The following P3H2 variants were observed in gnomAD, a reference collection of about 807,000 sequenced individuals.
P3H2 encodes the protein leprecan-like 1.
A neutral mutation model predicts 87.0 loss-of-function variants in P3H2; 80 were observed. The observed-to-expected ratio is 0.92, with a 90% confidence interval of 0.77 to 1.11. The LOEUF is 1.11. P3H2 is among the 50% of genes least tolerant of loss of function. The pLI, the probability that P3H2 is intolerant of heterozygous loss-of-function variation, is 0.00. For synonymous variants in P3H2, 367 were observed against 359.3 expected, an observed-to-expected ratio of 1.02 and a Z score of -0.24; for missense variants, 1,001 against 923.9, an observed-to-expected ratio of 1.08 and a Z score of -1.08.
intron 1 of P3H2, among the ~76,000 whole-genome samples, chr3:190,051,344 A>T (rs893956637): frequency 1.0e-5 from 1 of 96,252 alleles, no homozygotes; most frequent in Non-Finnish European, 2.0e-5. Context: ...AAAAAATGAC[A>T]TAGAATTTTA....
At chr3:190,014,102 G>T (rs1464413079) in intron 1 of P3H2, among the ~76,000 whole-genome samples, 1 of 152,162 alleles carries the variant, frequency 6.6e-6, no homozygotes, top group Admixed American at 6.5e-5. Flanking sequence ...AGGAATTAGG[G>T]AATGATTCAT....
At chr3:190,118,137 G>C (rs189732134) in intron 1 of P3H2, among the ~76,000 whole-genome samples, 1 of 152,124 alleles carries the variant, frequency 6.6e-6, no homozygotes, top group Non-Finnish European at 1.5e-5. Context: ...CCAGGGAACC[G>C]GAGGGGAAAT....
At chr3:190,048,421 C>A (rs1259302577) in intron 1 of P3H2, among the ~76,000 whole-genome samples, 1 of 151,592 alleles carries the variant, frequency 6.6e-6, no homozygotes. Context: ...CGCTTGAACC[C>A]GGGAGGTGGA....
intron 1 of P3H2, among the ~76,000 whole-genome samples, chr3:190,032,842 G>A (rs1370357059): frequency 6.6e-6 from 1 of 152,128 alleles, no homozygotes; most frequent in East Asian, 1.9e-4. Context: ...TGGGGATTGT[G>A]AGGAGGTAGG....
intron 1 of P3H2, among the ~76,000 whole-genome samples, chr3:190,085,930 A>T (rs2373719): frequency 0.13 from 20,010 of 152,132 alleles, 3,713 homozygotes; most frequent in African/African-American, 0.41. Flanking sequence ...ACAGTAACAC[A>T]TTTCACTGGA....
At chr3:190,025,676 G>A (rs1725066949) in intron 1 of P3H2, among the ~76,000 whole-genome samples, 2 of 152,150 alleles carry the variant, frequency 1.3e-5, no homozygotes, top group African/African-American at 4.8e-5. Context: ...CCCCAAAATA[G>A]ATAAAAGTCA....
At chr3:189,978,959 ACT>A (rs1405742722) in intron 8 of P3H2, among the ~76,000 whole-genome samples, 1 of 152,016 alleles carries the variant, frequency 6.6e-6, no homozygotes, top group Non-Finnish European at 1.5e-5. Flanking sequence ...CCTGGCTCTG[ACT>A]CTCTGGTTGC....
At position 189,994,185 on chromosome 3, in the gene P3H2, A is replaced by T. The variant is rs1723968225; in HGVS notation, c.732T>A (p.Asp244Glu). 1 of 1,613,804 alleles carries T rather than the reference A, an allele frequency of 6.2e-7. No homozygotes were observed. Among genetic ancestry groups the T allele is most frequent in the African/African-American group, 1.3e-5 (1 of 75,044 alleles). Residue 244 changes from aspartate (D) to glutamate (E), a missense_variant, in exon 3 of 15, where the codon GAT (aspartate) becomes GAA (glutamate). Physicochemically the swap from Asp to Glu is conservative, Grantham distance 45. Transcript: ENST00000319332. ...EQALREYFVE[D>E]TECRTLCEGP... is the part of the protein sequence containing the mutation. ...CCTCACATAGGGTCCGGCATTCTGT[A>T]TCTTCAACGAAATATTCTCTTAAGG...
intron 1 of P3H2, among the ~76,000 whole-genome samples, chr3:190,088,836 T>C (rs1727313420): frequency 6.6e-6 from 1 of 152,212 alleles, no homozygotes; most frequent in African/African-American, 2.4e-5. Flanking sequence ...AAACAGTTCC[T>C]GCAATACCTG....
chr3:189,969,534 T>A, intron 13 of P3H2: 1 of 1,227,498 alleles, frequency 8.1e-7, no homozygotes, highest in Non-Finnish European at 1.2e-6. Context: ...AACTGATCAA[T>A]AATGACAATA....
In P3H2 at chr3:189,971,981, T is replaced by G; in HGVS notation, c.1726A>C (p.Ser576Arg). 3 of 1,612,626 alleles carry G rather than the reference T, an allele frequency of 1.9e-6. No homozygotes were observed. The highest frequency in any genetic ancestry group is 2.5e-6 in the Non-Finnish European group (3 of 1,178,626). Residue 576 changes from serine (S) to arginine (R), a missense_variant, in exon 12 of 15, where the codon AGT becomes CGT. Transcript: ENST00000319332. ...CAGTTGTCAGCATGGATGGGATGAC[T>G]GAGGTCATTTCTTCTATCCTGCTGA... is the stretch of plus-strand genomic sequence containing the variant. ...SGQQDRRNDL[S>R]HPIHADNCLL...
At chr3:189,971,578 G>A in intron 12 of P3H2, 2 of 368,918 alleles carry the variant, frequency 5.4e-6, no homozygotes, top group South Asian at 4.5e-5. Context: ...TATTCTGACT[G>A]AAATACATAT....
chr3:190,030,253 T>C (rs746129701), intron 1 of P3H2, among the ~76,000 whole-genome samples: 40 of 152,130 alleles, frequency 2.6e-4, no homozygotes, highest in Non-Finnish European at 5.4e-4. Context: ...TTCACTGAGA[T>C]ATGAAAAATT....
At position 189,957,726 on chromosome 3, in the gene P3H2, A is replaced by AGAGAGAC; in HGVS notation, c.*185_*186insGTCTCTC. On this transcript the variant is annotated 3_prime_UTR_variant, in exon 15 of 15. Transcript: ENST00000319332. ...AGAGAGAGAGAGAGAGAGAGAGAGA[A>AGAGAGAC]AACAACCCAAAACAAGAAAGATAGA... The AGAGAGAC allele has an allele frequency of 1.9e-6, 1 of 528,388 alleles. No homozygotes were observed. Among genetic ancestry groups the AGAGAGAC allele is most frequent in the Non-Finnish European group, 3.4e-6 (1 of 296,002 alleles). The allele number at this position is 528,388 out of a possible 1,614,324, so 32.7% of individuals were successfully genotyped here.
At chr3:189,966,168 AAAG>A (rs1722998383) in intron 13 of P3H2, among the ~76,000 whole-genome samples, 1 of 149,196 alleles carries the variant, frequency 6.7e-6, no homozygotes, top group Admixed American at 6.7e-5. Context: ...AGAAAGAAAG[AAAG>A]AAAGAAAGAA....
At chr3:190,116,962 A>T (rs1712312465) in intron 1 of P3H2, among the ~76,000 whole-genome samples, 1 of 152,166 alleles carries the variant, frequency 6.6e-6, no homozygotes, top group Non-Finnish European at 1.5e-5. Context: ...GTTACCCTGC[A>T]AGACAAGGAT....
intron 1 of P3H2, among the ~76,000 whole-genome samples, chr3:190,053,422 CTTTTTA>C (rs59033320): frequency 0.37 from 54,874 of 147,552 alleles, 10,594 homozygotes; most frequent in African/African-American, 0.5. Flanking sequence ...CTATGACTGC[CTTTTTA>C]TTTTTATTTT....
intron 14 of P3H2, among the ~76,000 whole-genome samples, chr3:189,959,959 C>G (rs1043102664): frequency 6.6e-6 from 1 of 151,266 alleles, no homozygotes; most frequent in African/African-American, 2.4e-5. Flanking sequence ...GAATACAATT[C>G]GCATTTCCCA....
chr3:190,007,002 T>C (rs1320561491), intron 1 of P3H2, among the ~76,000 whole-genome samples: 1 of 152,172 alleles, frequency 6.6e-6, no homozygotes, highest in Non-Finnish European at 1.5e-5. Flanking sequence ...GTGAATGTAG[T>C]CATAAAAATA....
Sources: allele counts gnomAD v4.1 joint callset (sites outside exome capture counted in the v4.1 genomes callset), GRCh38; gene constraint gnomAD v4.1.1; transcripts MANE v1.5; gene names NCBI Gene and HGNC (gene_info 2026-07-23, HGNC 2026-07-21).